Variants in ASPH observed in about 807,000 individuals in gnomAD.
ASPH encodes aspartyl/asparaginyl beta-hydroxylase.
Under a neutral mutation model 118.4 loss-of-function variants are expected in ASPH, and 100 were observed. The observed-to-expected ratio is 0.84, with a 90% CI of 0.72 to 1.00. The LOEUF (loss-of-function observed/expected upper bound fraction) is 1.00. Ranked by LOEUF, ASPH falls within the 50% of genes least tolerant of loss-of-function variation. ASPH has a pLI of 0.00. For synonymous variants in ASPH, 315 were observed against 325.6 expected (o/e 0.97, Z 0.35); for missense variants, 920 against 919.5 (o/e 1.00, Z -0.01).
At chr8:61,593,641 G>C (rs552989107) in intron 14 of ASPH, among the ~76,000 whole-genome samples, 1 of 152,152 alleles carries the variant, frequency 6.6e-6, no homozygotes, top group Non-Finnish European at 1.5e-5. Context: ...CATGTAGTTG[G>C]CTGCCTTCCC....
At position 61,665,581 on chromosome 8, in the gene ASPH, G is replaced by A. The variant is rs148255046; in HGVS notation, c.323-11921C>T. 5 of 1,589,864 alleles carry A rather than the reference G, an allele frequency of 3.1e-6. No individual in the cohort carries two copies. In the African/African-American group the frequency reaches 5.5e-5, roughly 17 times the overall value. Reference sequence around the variant, plus strand: ...ACTCAGGTTTCTCTTTCTCCTTCTTGAGCTCTTCTTTAGTGAGTTCTTTAA... The same window carrying A: ...ACTCAGGTTTCTCTTTCTCCTTCTTAAGCTCTTCTTTAGTGAGTTCTTTAA... On this transcript the variant is annotated intron_variant, in intron 3 of 24. Transcript: ENST00000379454.
intron 21 of ASPH, among the ~76,000 whole-genome samples, chr8:61,547,639 A>T (rs1248016342): frequency 6.6e-6 from 1 of 152,156 alleles, no homozygotes; most frequent in Non-Finnish European, 1.5e-5. Flanking sequence ...AAACAATTCC[A>T]ATCTTCTCAC....
chr8:61,538,211 ATCTGTT>A (rs1018823648), intron 21 of ASPH, among the ~76,000 whole-genome samples: 1 of 152,248 alleles, frequency 6.6e-6, no homozygotes, highest in Non-Finnish European at 1.5e-5. Flanking sequence ...AGCAAAACAA[ATCTGTT>A]TCTAATTATG....
chr8:61,515,671 A>C (rs1367817163), intron 24 of ASPH, among the ~76,000 whole-genome samples: 1 of 152,136 alleles, frequency 6.6e-6, no homozygotes, highest in Non-Finnish European at 1.5e-5. Flanking sequence ...CAACTAAATA[A>C]AATACATAAG....
At chr8:61,585,177 C>A (rs538038720) in intron 14 of ASPH, among the ~76,000 whole-genome samples, 1 of 152,302 alleles carries the variant, frequency 6.6e-6, no homozygotes, top group African/African-American at 2.4e-5. Context: ...AACCTCAGCA[C>A]CCAGCAAACA....
chr8:61,539,008 A>C (rs1221699620), intron 21 of ASPH, among the ~76,000 whole-genome samples: 4 of 152,084 alleles, frequency 2.6e-5, no homozygotes, highest in Non-Finnish European at 5.9e-5. Flanking sequence ...TTAGGAGGCC[A>C]AGGTAGACGG....
intron 3 of ASPH, among the ~76,000 whole-genome samples, chr8:61,672,247 A>C (rs1438205963): frequency 6.6e-6 from 1 of 152,176 alleles, no homozygotes; most frequent in Non-Finnish European, 1.5e-5. Context: ...AGATTAAAAA[A>C]AGAAGAAGAA....
chr8:61,689,595 CA>C (rs1831949395), intron 1 of ASPH: 6 of 1,393,772 alleles, frequency 4.3e-6, no homozygotes. Flanking sequence ...AATATTTTAA[CA>C]GAGCACCACT....
intron 13 of ASPH, among the ~76,000 whole-genome samples, chr8:61,629,751 A>G (rs1178299473): frequency 6.6e-6 from 1 of 152,266 alleles, no homozygotes; most frequent in Admixed American, 6.5e-5. Context: ...TGAAGAATAT[A>G]TAACACATCT....
chr8:61,558,582 G>A (rs1183417133), intron 18 of ASPH, among the ~76,000 whole-genome samples: 1 of 152,172 alleles, frequency 6.6e-6, no homozygotes, highest in East Asian at 1.9e-4. Context: ...TCTGCACGGT[G>A]GACAGCCATG....
At chr8:61,553,783 T>C (rs1826873157) in intron 19 of ASPH, among the ~76,000 whole-genome samples, 1 of 152,062 alleles carries the variant, frequency 6.6e-6, no homozygotes, top group Non-Finnish European at 1.5e-5. Flanking sequence ...AAAGAGAAAA[T>C]ATTAAAGCAA....
intron 21 of ASPH, among the ~76,000 whole-genome samples, chr8:61,539,772 C>T (rs1486783707): frequency 1.4e-5 from 2 of 145,990 alleles, no homozygotes; most frequent in East Asian, 2.0e-4. Context: ...TTATGCCTGA[C>T]GAGCTACCTA....
intron 13 of ASPH, chr8:61,626,268 A>G: frequency 6.4e-7 from 1 of 1,564,690 alleles, no homozygotes; most frequent in Non-Finnish European, 8.6e-7. Context: ...AGTCTTTTTG[A>G]AGCTTTAAGT....
chr8:61,638,215 T>C, intron 11 of ASPH, 107 bp downstream of exon 11: 12 of 1,388,036 alleles, frequency 8.6e-6, no homozygotes, highest in Non-Finnish European at 1.2e-5. Flanking sequence ...GACTTGAAAA[T>C]GTCTTGCATT....
At chr8:61,595,009 A>G (rs747020672) in intron 14 of ASPH, among the ~76,000 whole-genome samples, 4 of 152,214 alleles carry the variant, frequency 2.6e-5, no homozygotes, top group Admixed American at 6.5e-5. Context: ...CACTATTATA[A>G]CTTTTAAGAA....
chr8:61,688,813 A>T (rs950586642), intron 1 of ASPH, among the ~76,000 whole-genome samples: 3 of 152,222 alleles, frequency 2.0e-5, no homozygotes, highest in Non-Finnish European at 4.4e-5. Flanking sequence ...CTTCCAAAAG[A>T]ACTAAAAGTC....
intron 5 of ASPH, among the ~76,000 whole-genome samples, chr8:61,648,771 A>G (rs1380535852): frequency 1.3e-5 from 2 of 152,170 alleles, no homozygotes; most frequent in Non-Finnish European, 2.9e-5. Context: ...CTGGTATCCT[A>G]CTTTGAAAGA....
At chr8:61,675,938 G>A in intron 3 of ASPH, 1 of 1,500,762 alleles carries the variant, frequency 6.7e-7, no homozygotes, top group Non-Finnish European at 8.8e-7. Context: ...TACTGGGCAA[G>A]ATCACATGGT....
At chr8:61,626,293 G>C in intron 13 of ASPH, 1 of 1,559,472 alleles carries the variant, frequency 6.4e-7, no homozygotes, top group Non-Finnish European at 8.6e-7. Context: ...GCAAAAATAA[G>C]GGGAAATCTA....
Sources: allele counts gnomAD v4.1 joint callset (sites outside exome capture counted in the v4.1 genomes callset), GRCh38; gene constraint gnomAD v4.1.1; transcripts MANE v1.5; gene names NCBI Gene and HGNC (gene_info 2026-07-23, HGNC 2026-07-21).